Variants in ANGPT4 observed in about 807,000 individuals in gnomAD.
ANGPT4 encodes angiopoietin-4.
ANGPT4 carries 50 observed loss-of-function variants against 53.0 expected under a neutral mutation model. The ratio of observed to expected loss-of-function variants is 0.94; its 90% CI spans 0.75 to 1.20. ANGPT4 has a LOEUF of 1.20. Among genes scored for constraint, ANGPT4 ranks in the 50% most tolerant of loss-of-function variants. ANGPT4 has a pLI of 0.00. For synonymous variants in ANGPT4, 251 were observed against 259.7 expected, an observed-to-expected ratio of 0.97 and a Z score of 0.32; for missense variants, 648 against 637.1, an observed-to-expected ratio of 1.02 and a Z score of -0.18.
intron 4 of ANGPT4, among the ~76,000 whole-genome samples, chr20:881,660 G>C (rs988602312): frequency 1.1e-4 from 16 of 152,180 alleles, no homozygotes; most frequent in African/African-American, 3.9e-4. Context: ...GCTGCTTGCT[G>C]TATGATGCAA....
At chr20:889,372 C>T (rs751495638) in intron 2 of ANGPT4, among the ~76,000 whole-genome samples, 3 of 152,142 alleles carry the variant, frequency 2.0e-5, no homozygotes, top group Non-Finnish European at 2.9e-5. Flanking sequence ...ATGGTATAGC[C>T]GCCTGCATAC....
chr20:894,999 G>T (rs937111232), intron 1 of ANGPT4, among the ~76,000 whole-genome samples: 2 of 152,106 alleles, frequency 1.3e-5, no homozygotes, highest in Non-Finnish European at 2.9e-5. Flanking sequence ...TGCCACACCC[G>T]CCCACCAGCA....
intron 6 of ANGPT4, 144 bp from the exon 7 acceptor site, chr20:878,471 AG>A (rs1398153050): frequency 2.3e-5 from 16 of 705,012 alleles, no homozygotes; most frequent in Non-Finnish European, 3.4e-5. Context: ...CAGTGTAGGC[AG>A]GACTGGGAGT....
intron 1 of ANGPT4, among the ~76,000 whole-genome samples, chr20:897,391 CTCT>C (rs936224495): frequency 4.8e-4 from 73 of 152,218 alleles, no homozygotes; most frequent in African/African-American, 1.6e-3. Context: ...TCTTTTCACT[CTCT>C]TCTTCAGCCT....
At position 885,114 on chromosome 20, in the gene ANGPT4, G is replaced by A; in HGVS notation, c.799C>T (p.His267Tyr). The A allele has an allele frequency of 6.2e-7, 1 of 1,613,556 alleles. No homozygotes were observed. Among genetic ancestry groups the A allele is most frequent in the African/African-American group, 1.3e-5 (1 of 75,058 alleles). ...SLRQLLVLLR[H>Y]LVQERANASA... The stretch of plus-strand genomic sequence containing the variant: ...GCGTTAGCCCTTTCTTGCACCAGGT[G>A]CCGCAACAACACCAGCAGCTGGCGC... Residue 267 changes from histidine to tyrosine, a missense_variant, in exon 4 of 9, where the codon CAC becomes TAC. By Grantham distance (83) the His-to-Tyr change is moderately conservative (BLOSUM62 2). Coordinates refer to ENST00000381922, the MANE Select transcript of ANGPT4 (RefSeq NM_015985.4).
chr20:879,659 A>C, intron 6 of ANGPT4, 88 bp downstream of exon 6: 1 of 1,052,754 alleles, frequency 9.5e-7, no homozygotes, highest in Non-Finnish European at 1.3e-6. Flanking sequence ...TGGGGGAGGA[A>C]TGAGGGCAAA....
At chr20:883,568 G>A (rs1793491409) in intron 4 of ANGPT4, among the ~76,000 whole-genome samples, 1 of 152,210 alleles carries the variant, frequency 6.6e-6, no homozygotes, top group South Asian at 2.1e-4. Context: ...CTCTCCTTCA[G>A]TTTCTCCATC....
Position 916,274 on chromosome 20 carries a change from T to C in ANGPT4, c.-60A>G. ...AGAGCCCTAGGGGCTGTGCCTGGGA[T>C]GTCCTGCTGCAGCCAACAGTGGCCA... On this transcript the variant is annotated 5_prime_UTR_variant, in exon 1 of 9. Coordinates refer to ENST00000381922, the MANE Select transcript of ANGPT4 (RefSeq NM_015985.4). The C allele has an allele frequency of 6.5e-7, 1 of 1,543,864 alleles. No individual in the cohort carries two copies. Among genetic ancestry groups the C allele is most frequent in the Non-Finnish European group, 8.8e-7 (1 of 1,137,084 alleles).
chr20:880,916 C>T (rs1157403020), intron 5 of ANGPT4, among the ~76,000 whole-genome samples: 1 of 152,256 alleles, frequency 6.6e-6, no homozygotes, highest in Non-Finnish European at 1.5e-5. Context: ...TCTTAACCAA[C>T]ACTGAACTAT....
At chr20:902,663 A>T (rs937304351) in intron 1 of ANGPT4, among the ~76,000 whole-genome samples, 1 of 152,238 alleles carries the variant, frequency 6.6e-6, no homozygotes, top group African/African-American at 2.4e-5. Flanking sequence ...ATCTCAAGGC[A>T]ATTTGTTTCC....
chr20:906,313 G>GCGCCAC (rs1271613413), intron 1 of ANGPT4, among the ~76,000 whole-genome samples: 8 of 152,074 alleles, frequency 5.3e-5, no homozygotes, highest in African/African-American at 1.9e-4. Context: ...GCCAGCGCCA[G>GCGCCAC]CTCACCAGCC....
chr20:886,928 G>T (rs1981639282), intron 3 of ANGPT4, among the ~76,000 whole-genome samples: 1 of 152,218 alleles, frequency 6.6e-6, no homozygotes, highest in South Asian at 2.1e-4. Context: ...GCTTCACGAG[G>T]ACAGGGGCTT....
intron 1 of ANGPT4, among the ~76,000 whole-genome samples, chr20:912,103 C>T (rs1327248682): frequency 2.0e-5 from 3 of 152,018 alleles, no homozygotes; most frequent in Non-Finnish European, 4.4e-5. Context: ...TGTGTCTGGC[C>T]CTGGTTTTCC....
At chr20:877,236 C>T (rs1039642305) in intron 7 of ANGPT4, among the ~76,000 whole-genome samples, 22 of 152,274 alleles carry the variant, frequency 1.4e-4, no homozygotes, top group African/African-American at 5.3e-4. Context: ...TATTCCAGCA[C>T]GGCTGGATGA....
chr20:888,220 G>T, intron 3 of ANGPT4, 98 bp downstream of exon 3: 1 of 1,471,724 alleles, frequency 6.8e-7, no homozygotes, highest in Non-Finnish European at 9.0e-7. Context: ...CCTGGCTCCA[G>T]CCCCAGTCCT....
intron 1 of ANGPT4, among the ~76,000 whole-genome samples, chr20:903,165 T>G (rs1186444104): frequency 2.0e-5 from 3 of 152,192 alleles, no homozygotes; most frequent in Non-Finnish European, 4.4e-5. Context: ...GCTGCTGGCT[T>G]CTGCCTGTTG....
rs758569315 is a variant in ANGPT4 at position 915,955 on chromosome 20, A to G, written c.260T>C (p.Val87Ala). 6.2e-7 allele frequency: 1 copy of G among 1,607,900 alleles called. No individual in the cohort carries two copies. Among genetic ancestry groups the G allele is most frequent in the Non-Finnish European group, 8.5e-7 (1 of 1,175,568 alleles). ...CTGCAGTGCCTGCTCCAGCTGTTTC[A>G]CCTGCTGGGTGGGCAACTTCCCCAG... The part of the protein sequence containing the change: ...LHLGKLPTQQ[V>A]KQLEQALQNN... Residue 87 changes from valine to alanine, a missense_variant, in exon 1 of 9, where the codon GTG (valine) becomes GCG (alanine). Val to Ala is a moderately conservative substitution (Grantham distance 64). Transcript: ENST00000381922.
intron 4 of ANGPT4, among the ~76,000 whole-genome samples, chr20:883,917 T>C (rs918887386): frequency 6.6e-6 from 1 of 152,218 alleles, no homozygotes; most frequent in Admixed American, 6.5e-5. Context: ...ACCTGTAGCT[T>C]CCTTAGGCCT....
At position 908,489 on chromosome 20, in the gene ANGPT4, C is replaced by A. The variant is rs1982568044; in HGVS notation, c.309+7417G>T. 6.6e-6 allele frequency among the ~76,000 whole-genome samples: 1 copy of A among 152,174 alleles called. No homozygotes were observed. Among genetic ancestry groups the A allele is most frequent in the African/African-American group, 2.4e-5 (1 of 41,430 alleles). On this transcript the variant is annotated intron_variant, in intron 1 of 8. Coordinates refer to ENST00000381922, the MANE Select transcript of ANGPT4 (RefSeq NM_015985.4). This position sits in a 1 kb window ranked among gnomAD's most constrained non-coding sequence, Gnocchi z 4.9. ...AGTGCCTCCCTCCCTCAAGGTCAGG[C>A]ACCCATTATCCACCCCTAGCATCTC...
Sources: allele counts gnomAD v4.1 joint callset (sites outside exome capture counted in the v4.1 genomes callset), GRCh38; gene constraint gnomAD v4.1.1; non-coding constraint Gnocchi (gnomAD v3.1); transcripts MANE v1.5; gene names NCBI Gene and HGNC (gene_info 2026-07-23, HGNC 2026-07-21).